Variants in TUB observed in about 807,000 individuals in gnomAD.
TUB encodes the protein tubby protein homolog.
A neutral mutation model predicts 59.7 loss-of-function variants in TUB; 33 were observed. The ratio of observed to expected loss-of-function variants is 0.55; its 90% CI spans 0.42 to 0.74. The LOEUF (loss-of-function observed/expected upper bound fraction) is 0.74, where lower values mean the gene tolerates loss of function less well. TUB is among the 30% of genes least tolerant of loss of function. The pLI is 0.00. For synonymous variants in TUB, 293 were observed against 256.4 expected (o/e 1.14, Z -1.36); for missense variants, 659 against 672.0 (o/e 0.98, Z 0.21).
intron 2 of TUB, among the ~76,000 whole-genome samples, chr11:8,056,840 G>T (rs1943028385): frequency 6.6e-6 from 1 of 152,106 alleles, no homozygotes; most frequent in Non-Finnish European, 1.5e-5. Flanking sequence ...AGCACATGGT[G>T]TGTCTCAAGT....
At position 8,104,558 on chromosome 11, in the gene TUB, G is replaced by C. The variant is rs755686663; in HGVS notation, c.*2939G>C. 6.6e-6 allele frequency: 1 copy of C among 152,146 alleles called. No homozygotes were observed. The highest frequency in any genetic ancestry group is 6.5e-5 in the Admixed American group (1 of 15,274). 9.4% of individuals were successfully genotyped at this position (152,146 alleles called of 1,614,324 possible). A position where few individuals can be genotyped will look rare whatever the true frequency, so the allele number is the denominator to read the frequency against. ...AAGGAATAAGGATGTTGTTATGATC[G>C]CCTGTGGATTTTGTCCATTCATCTC... On this transcript the variant is annotated 3_prime_UTR_variant, in exon 12 of 12. Transcript: ENST00000299506.
intron 2 of TUB, among the ~76,000 whole-genome samples, chr11:8,047,649 G>A (rs1055309174): frequency 6.6e-6 from 1 of 152,148 alleles, no homozygotes; most frequent in African/African-American, 2.4e-5. Context: ...CTGCCTCCCT[G>A]CTCTACTGCA....
Position 8,098,835 on chromosome 11 carries a change from A to G in TUB, c.1076A>G (p.Glu359Gly). Residue 359 changes from glutamate to glycine, a missense_variant, in exon 9 of 12, where the codon GAA (glutamate) becomes GGA (glycine). Transcript: ENST00000299506. ...NPQKASSSTL[E>G]SGTLRQELAA... is the part of the protein sequence containing the mutation. ...CAGAAGGCCTCATCCTCCACTTTGG[A>G]AAGTGGAACCTTACGTCAGGAGCTG... 6.2e-7 allele frequency: 1 copy of G among 1,614,180 alleles called. No individual in the cohort carries two copies. The highest frequency in any genetic ancestry group is 8.5e-7 in the Non-Finnish European group (1 of 1,180,022).
chr11:8,083,142 C>T (rs891947199), intron 1 of TUB, among the ~76,000 whole-genome samples: 3 of 152,200 alleles, frequency 2.0e-5, no homozygotes, highest in African/African-American at 7.2e-5. Flanking sequence ...GACAGTGCAG[C>T]CCCATGGAGC....
At chr11:8,091,200 G>T (rs1564917812) in intron 3 of TUB, among the ~76,000 whole-genome samples, 1 of 152,122 alleles carries the variant, frequency 6.6e-6, no homozygotes, top group East Asian at 1.9e-4. Context: ...AGTATTTTAG[G>T]TTCTTCTCTG....
At chr11:8,031,942 C>T (rs1311212665) in intron 1 of TUB, among the ~76,000 whole-genome samples, 7 of 152,326 alleles carry the variant, frequency 4.6e-5, no homozygotes, top group African/African-American at 9.6e-5. Context: ...TGTCTGGCGG[C>T]GTGTCCTTGG....
chr11:8,056,615 C>G (rs1320754877), intron 2 of TUB, among the ~76,000 whole-genome samples: 1 of 151,814 alleles, frequency 6.6e-6, no homozygotes. Flanking sequence ...GGTACATATG[C>G]GCATGGGAGC....
chr11:8,049,598 G>A (rs895189029), intron 2 of TUB, among the ~76,000 whole-genome samples: 1 of 123,964 alleles, frequency 8.1e-6, no homozygotes, highest in African/African-American at 3.2e-5. Flanking sequence ...TAGATAGATA[G>A]ATAGATACAC....
At chr11:8,082,898 C>G (rs555031080) in intron 1 of TUB, among the ~76,000 whole-genome samples, 57 of 152,298 alleles carry the variant, frequency 3.7e-4, no homozygotes, top group African/African-American at 1.3e-3. Flanking sequence ...CAACCACCAG[C>G]AACACCCTCA....
At chr11:8,029,854 CG>C (rs956388451) in intron 1 of TUB, among the ~76,000 whole-genome samples, 1 of 152,110 alleles carries the variant, frequency 6.6e-6, no homozygotes, top group African/African-American at 2.4e-5. Flanking sequence ...CCAGAGGAGT[CG>C]GGTGGCTACC....
chr11:8,074,273 G>A (rs1397820093), intron 2 of TUB, among the ~76,000 whole-genome samples: 3 of 152,100 alleles, frequency 2.0e-5, no homozygotes, highest in Non-Finnish European at 4.4e-5. Flanking sequence ...CACCTGGAAT[G>A]GAGGATGTGG....
At chr11:8,098,730 C>G (rs370681895) in intron 8 of TUB, 28 bp from the exon 9 acceptor site, 1 of 1,544,174 alleles carries the variant, frequency 6.5e-7, no homozygotes, top group East Asian at 2.2e-5. Context: ...GGGTGCATGA[C>G]TCTATACTGA....
intron 1 of TUB, among the ~76,000 whole-genome samples, chr11:8,084,953 G>A (rs1448955114): frequency 6.6e-6 from 1 of 152,202 alleles, no homozygotes; most frequent in Non-Finnish European, 1.5e-5. Context: ...TCAGATGGCT[G>A]TGATTTCTTT....
intron 1 of TUB, among the ~76,000 whole-genome samples, chr11:8,025,129 A>T (rs1312556771): frequency 1.3e-5 from 2 of 152,186 alleles, no homozygotes; most frequent in African/African-American, 4.8e-5. Flanking sequence ...CTTACCATCT[A>T]GTTGGGGGAG....
At chr11:8,098,930 C>A in intron 9 of TUB, 55 bp downstream of exon 9, 1 of 1,293,658 alleles carries the variant, frequency 7.7e-7, no homozygotes, top group East Asian at 2.3e-5. Flanking sequence ...AAATCCAGGA[C>A]TTGATGCCTG....
intron 1 of TUB, among the ~76,000 whole-genome samples, chr11:8,085,812 C>T (rs2133823794): frequency 6.6e-6 from 1 of 152,296 alleles, no homozygotes; most frequent in African/African-American, 2.4e-5. Flanking sequence ...CGGAAACAGG[C>T]TAGAGGATGT....
chr11:8,053,691 C>T (rs1386035168), intron 2 of TUB, among the ~76,000 whole-genome samples: 2 of 151,208 alleles, frequency 1.3e-5, no homozygotes, highest in African/African-American at 4.8e-5. Flanking sequence ...TTAATAGAGA[C>T]GGGGTTTCAC....
chr11:8,051,206 T>C (rs929483218), intron 2 of TUB, among the ~76,000 whole-genome samples: 2 of 152,222 alleles, frequency 1.3e-5, no homozygotes, highest in African/African-American at 4.8e-5. Context: ...AAATGTGCAG[T>C]ATGAGTTTGT....
chr11:8,071,664 A>G (rs1052131950), intron 2 of TUB, among the ~76,000 whole-genome samples: 1 of 152,112 alleles, frequency 6.6e-6, no homozygotes, highest in African/African-American at 2.4e-5. Flanking sequence ...AGCCAGGAGG[A>G]TGGGGTGGAA....
Sources: gnomAD v4.1 joint callset for allele counts (sites outside exome capture counted in the v4.1 genomes callset) on GRCh38, gnomAD v4.1.1 for gene constraint, MANE v1.5 for transcripts, NCBI Gene and HGNC (gene_info 2026-07-23, HGNC 2026-07-21) for gene names.